Variants in MACROD2 observed in about 807,000 individuals in gnomAD.
The protein encoded by MACROD2 is ADP-ribose glycohydrolase MACROD2.
Under a neutral mutation model 70.4 loss-of-function variants are expected in MACROD2, and 36 were observed. The ratio of observed to expected loss-of-function variants is 0.51; its 90% CI spans 0.39 to 0.68. The LOEUF is 0.68. MACROD2 is among the 30% of genes least tolerant of loss of function. The probability of loss-of-function intolerance (pLI) is 0.00; values close to 1 mark genes in which losing one functional copy is unlikely to be tolerated. For missense variants in MACROD2, 496 were observed against 538.4 expected, an observed-to-expected ratio of 0.92 and a Z score of 0.78; for synonymous variants, 172 against 178.8, an observed-to-expected ratio of 0.96 and a Z score of 0.30.
intron 8 of MACROD2, among the ~76,000 whole-genome samples, chr20:15,698,574 A>T (rs560554489): frequency 1.3e-5 from 2 of 152,216 alleles, no homozygotes; most frequent in African/African-American, 4.8e-5. Context: ...TTTTGTGATG[A>T]ATTTCCCAGG....
At chr20:14,935,649 G>A (rs1429406358) in intron 5 of MACROD2, among the ~76,000 whole-genome samples, 1 of 152,074 alleles carries the variant, frequency 6.6e-6, no homozygotes, top group Non-Finnish European at 1.5e-5. Flanking sequence ...AATTGCCTAG[G>A]GAACTTTTCT....
intron 8 of MACROD2, among the ~76,000 whole-genome samples, chr20:15,687,995 G>A (rs541237912): frequency 2.6e-5 from 4 of 152,248 alleles, no homozygotes; most frequent in African/African-American, 9.6e-5. Context: ...AGAAATTTCA[G>A]CAAGAATTTC....
At position 14,445,047 on chromosome 20, in the gene MACROD2, G is replaced by A. The variant is rs1361860226; in HGVS notation, c.272-48432G>A. ...TGTTTCCAACACAGCAGCCAATGTG[G>A]TCTTGTTAAAATTTAAATTAGATTA... On this transcript the variant is annotated intron_variant, in intron 3 of 17. Coordinates refer to ENST00000684519, the MANE Select transcript of MACROD2 (RefSeq NM_001351661.2). Among the ~76,000 whole-genome samples, 3 of 151,976 alleles carry A rather than the reference G, an allele frequency of 2.0e-5. No individual in the cohort carries two copies. The East Asian group carries it at 5.8e-4, about 29-fold the overall frequency.
rs532870999 is a variant in MACROD2, at chr20:14,965,453, C to CTTTTTTT, written c.419-264468_419-264462dup. Among the ~76,000 whole-genome samples, 67 of 68,076 alleles carry CTTTTTTT rather than the reference C, an allele frequency of 9.8e-4. 1 individual carries two copies. The highest frequency in any genetic ancestry group is 1.4e-3 in the Non-Finnish European group (52 of 37,096). The allele number at this position is 68,076 out of a possible 152,430, so 44.7% of individuals were successfully genotyped here. A position where few individuals can be genotyped will look rare whatever the true frequency, so the allele number is the denominator to read the frequency against. ...GGACGGCTAAAAGTTATTTTTTTTT[C>CTTTTTTT]TTTTTTTTTTTTTTTTTTTTTTTTT... On this transcript the variant is annotated intron_variant, in intron 5 of 17. Coordinates refer to ENST00000684519, the MANE Select transcript of MACROD2 (RefSeq NM_001351661.2).
chr20:15,979,546 C>T (rs1166089405), intron 13 of MACROD2, among the ~76,000 whole-genome samples: 1 of 151,900 alleles, frequency 6.6e-6, no homozygotes, highest in Non-Finnish European at 1.5e-5. Flanking sequence ...GGGATGGACT[C>T]AGGCAAAGAG....
intron 5 of MACROD2, among the ~76,000 whole-genome samples, chr20:15,155,179 G>C (rs1021164011): frequency 6.6e-6 from 1 of 152,178 alleles, no homozygotes; most frequent in African/African-American, 2.4e-5. Flanking sequence ...TCTATTCATG[G>C]TAGATAATCA....
intron 3 of MACROD2, among the ~76,000 whole-genome samples, chr20:14,342,678 G>A (rs919336718): frequency 6.6e-6 from 1 of 152,160 alleles, no homozygotes; most frequent in African/African-American, 2.4e-5. Context: ...ATGCCGAAAG[G>A]TTTTGAAAAT....
chr20:15,349,061 A>AGGGG (rs2078198393), intron 6 of MACROD2, among the ~76,000 whole-genome samples: 1 of 152,196 alleles, frequency 6.6e-6, no homozygotes, highest in African/African-American at 2.4e-5. Flanking sequence ...ACAGGACAGA[A>AGGGG]GCATTAGGCT....
At chr20:15,245,178 G>A (rs2077094889) in intron 6 of MACROD2, among the ~76,000 whole-genome samples, 1 of 152,164 alleles carries the variant, frequency 6.6e-6, no homozygotes, top group South Asian at 2.1e-4. Context: ...TGGTTTAAAT[G>A]GAAGGAGAAT....
chr20:14,413,895 C>T (rs1208450324), intron 3 of MACROD2, among the ~76,000 whole-genome samples: 1 of 22,822 alleles, frequency 4.4e-5, no homozygotes, highest in Non-Finnish European at 1.2e-4. Flanking sequence ...TTTATATACT[C>T]AGTGTCTACC....
intron 6 of MACROD2, among the ~76,000 whole-genome samples, chr20:15,376,322 C>T (rs190725993): frequency 1.3e-5 from 2 of 152,168 alleles, no homozygotes; most frequent in Admixed American, 1.3e-4. Context: ...AGGTTGGATA[C>T]AGAGAGAACT....
At chr20:14,771,188 T>C (rs939141115) in intron 5 of MACROD2, among the ~76,000 whole-genome samples, 1 of 152,046 alleles carries the variant, frequency 6.6e-6, no homozygotes, top group African/African-American at 2.4e-5. Flanking sequence ...CTGTTTTGAC[T>C]GGTACTAGAC....
chr20:15,403,920 G>T (rs764236544), intron 6 of MACROD2, among the ~76,000 whole-genome samples: 8 of 152,146 alleles, frequency 5.3e-5, no homozygotes, highest in Non-Finnish European at 1.2e-4. Context: ...TAACTATAAT[G>T]GTGCCTACAA....
intron 5 of MACROD2, among the ~76,000 whole-genome samples, chr20:15,094,697 C>T (rs1456325525): frequency 6.6e-6 from 1 of 152,118 alleles, no homozygotes; most frequent in Non-Finnish European, 1.5e-5. Context: ...CTCCCATCCA[C>T]GTTTCATGCT....
intron 5 of MACROD2, among the ~76,000 whole-genome samples, chr20:15,214,234 T>C (rs562358179): frequency 6.6e-6 from 1 of 152,252 alleles, no homozygotes; most frequent in African/African-American, 2.4e-5. Context: ...CTTGACCCAT[T>C]TAGAGGAATG....
chr20:14,053,872 T>A (rs1358964398), intron 2 of MACROD2, among the ~76,000 whole-genome samples: 1 of 152,114 alleles, frequency 6.6e-6, no homozygotes, highest in Non-Finnish European at 1.5e-5. Flanking sequence ...AAAATAAAAA[T>A]TTTTAAATAG....
rs372910202 is a variant in MACROD2, at chr20:14,588,804, C to T, written c.301+95296C>T. On this transcript the variant is annotated intron_variant, in intron 4 of 17. Coordinates refer to ENST00000684519, the MANE Select transcript of MACROD2 (RefSeq NM_001351661.2). Reference sequence around the variant, plus strand: ...ACGTTACATGATAAACATTGTACGACATGAGCATGTAGCATTTTATAAAAA... The same window carrying T: ...ACGTTACATGATAAACATTGTACGATATGAGCATGTAGCATTTTATAAAAA... Among the ~76,000 whole-genome samples, 115 of 152,320 alleles carry T rather than the reference C, an allele frequency of 7.5e-4. 2 individuals are homozygous for T. The highest frequency in any genetic ancestry group is 2.7e-3 in the African/African-American group (113 of 41,574).
chr20:16,021,826 T>C (rs1472769391), intron 15 of MACROD2, among the ~76,000 whole-genome samples: 2 of 152,220 alleles, frequency 1.3e-5, no homozygotes, highest in Admixed American at 6.5e-5. Flanking sequence ...CTCCAGGGTC[T>C]TTTATACCGC....
intron 4 of MACROD2, among the ~76,000 whole-genome samples, chr20:14,589,921 C>G (rs569932692): frequency 1.4e-4 from 22 of 152,086 alleles, no homozygotes; most frequent in Non-Finnish European, 1.9e-4. Context: ...ACTGACCCTT[C>G]CATCTGTGAG....
Sources: allele counts gnomAD v4.1 joint callset (sites outside exome capture counted in the v4.1 genomes callset), GRCh38; gene constraint gnomAD v4.1.1; transcripts MANE v1.5; gene names NCBI Gene and HGNC (gene_info 2026-07-23, HGNC 2026-07-21).